Variants in GP6 observed in about 807,000 individuals in gnomAD.
The protein encoded by GP6 is platelet glycoprotein VI.
GP6 carries 45 observed loss-of-function variants against 37.3 expected under a neutral mutation model. The ratio of observed to expected loss-of-function variants is 1.21; its 90% confidence interval spans 0.95 to 1.55. The LOEUF (loss-of-function observed/expected upper bound fraction) is 1.55. Ranked by LOEUF, GP6 falls within the 40% of genes most tolerant of loss-of-function variation. GP6 has a pLI of 0.00. For missense variants in GP6, 813 were observed against 760.2 expected (o/e 1.07, Z -0.82); for synonymous variants, 340 against 316.4 (o/e 1.07, Z -0.79).
chr19:55,032,330 G>A lies in GP6; in HGVS notation c.134C>T (p.Thr45Ile), dbSNP rs780402836. ...GCCCGGAGGTCCCTGGCACCGGAGG[G>A]TCACTGGCTTCTCCAGGGGCACCAG... Residue 45 changes from threonine (T) to isoleucine (I), a missense_variant, in exon 3 of 8, where the codon ACC becomes ATC. Coordinates refer to ENST00000310373, the MANE Select transcript of GP6 (RefSeq NM_001083899.2). 1.2e-6 allele frequency: 2 copies of A among 1,614,082 alleles called. No homozygotes were observed. Among genetic ancestry groups the A allele is most frequent in the Admixed American group, 1.7e-5 (1 of 60,032 alleles).
At chr19:55,033,999 A>T (rs1364736372) in intron 1 of GP6, among the ~76,000 whole-genome samples, 1 of 152,122 alleles carries the variant, frequency 6.6e-6, no homozygotes, top group African/African-American at 2.4e-5. Flanking sequence ...GTTTGAGAAG[A>T]TGGGTGTGCT....
At position 55,038,064 on chromosome 19, in the gene GP6, C is replaced by T; in HGVS notation, c.34+139G>A. 5.3e-6 allele frequency: 4 copies of T among 748,240 alleles called. 1 individual carries two copies. The South Asian group carries it at 5.9e-5, about 11-fold the overall frequency. The allele number at this position is 748,240 out of a possible 1,614,324, so 46.4% of individuals were successfully genotyped here. ...GCCAGCTCGCTGGCCCCCCGTTTCC[C>T]CACCCAACAAATGAAGGGGCTCTTA... is the stretch of plus-strand genomic sequence containing the variant. On this transcript the variant is annotated intron_variant, in intron 1 of 7. Transcript: ENST00000310373.
At position 55,015,175 on chromosome 19, in the gene GP6, TGAG is replaced by T. The variant is rs1229702027; in HGVS notation, c.780-13_780-11del. On this transcript the variant is annotated splice_polypyrimidine_tract_variant and intron_variant, in intron 7 of 7. Transcript: ENST00000310373. ...TACTGGCGGGCAGGACCTGGAGGAA[TGAG>T]GAGAGGCAGGAGCAGGTGAAAGAGC... 4 of 1,553,540 alleles carry T rather than the reference TGAG, an allele frequency of 2.6e-6. No individual in the cohort carries two copies. The highest frequency in any genetic ancestry group is 3.9e-5 in the Admixed American group (2 of 51,126).
intron 3 of GP6, 67 bp from the exon 4 acceptor site, chr19:55,027,929 C>A (rs2074375614): frequency 6.7e-7 from 1 of 1,489,254 alleles, no homozygotes; most frequent in African/African-American, 1.4e-5. Context: ...TGGGGAGGTC[C>A]CCACACCTGC....
intron 3 of GP6, among the ~76,000 whole-genome samples, chr19:55,029,528 C>T (rs1181311790): frequency 2.7e-5 from 4 of 149,690 alleles, no homozygotes; most frequent in East Asian, 2.0e-4. Flanking sequence ...GTAGCTGGGA[C>T]TACAGGCATG....
At chr19:55,020,377 A>G (rs929436463) in intron 5 of GP6, among the ~76,000 whole-genome samples, 3 of 150,840 alleles carry the variant, frequency 2.0e-5, no homozygotes, top group South Asian at 2.1e-4. Context: ...CCCTCCCCCA[A>G]TTCCCCCTAC....
At chr19:55,021,050 TAAA>T (rs60477411) in intron 5 of GP6, among the ~76,000 whole-genome samples, 43,766 of 107,584 alleles carry the variant, frequency 0.41, 8,555 homozygotes, top group East Asian at 0.62. Context: ...AGACTCTGTT[TAAA>T]AAAAAAAAAA....
At chr19:55,033,998 G>A (rs1196916468) in intron 1 of GP6, among the ~76,000 whole-genome samples, 1 of 152,106 alleles carries the variant, frequency 6.6e-6, no homozygotes, top group African/African-American at 2.4e-5. Flanking sequence ...TGTTTGAGAA[G>A]ATGGGTGTGC....
intron 5 of GP6, among the ~76,000 whole-genome samples, chr19:55,021,972 C>T (rs990377125): frequency 7.9e-5 from 12 of 151,702 alleles, no homozygotes; most frequent in African/African-American, 2.9e-4. Flanking sequence ...AGTGACTGTT[C>T]ATGTCCTTTA....
At chr19:55,028,640 T>C (rs895044165) in intron 3 of GP6, among the ~76,000 whole-genome samples, 9 of 152,298 alleles carry the variant, frequency 5.9e-5, no homozygotes, top group Admixed American at 3.9e-4. Flanking sequence ...TTTTCAATTA[T>C]ACCTCAACAA....
intron 5 of GP6, among the ~76,000 whole-genome samples, chr19:55,019,913 T>C (rs1306338659): frequency 1.3e-5 from 2 of 151,786 alleles, no homozygotes; most frequent in Admixed American, 6.6e-5. Flanking sequence ...CTCCTGACCT[T>C]GTGATCCACC....
At position 55,027,463 on chromosome 19, in the gene GP6, G is replaced by C. The variant is rs1387025555; in HGVS notation, c.610+115C>G. The C allele has an allele frequency of 4.0e-6, 3 of 755,328 alleles. No individual in the cohort carries two copies. The African/African-American group carries it at 5.2e-5, about 13-fold the overall frequency. 46.8% of individuals were successfully genotyped at this position (755,328 alleles called of 1,614,324 possible). ...CCTTCCCACCTACGGCCCCGCCCCT[G>C]CAGCCCAGGGCTTCCTGCCCTCCCA... On this transcript the variant is annotated intron_variant, in intron 4 of 7. Coordinates refer to ENST00000310373, the MANE Select transcript of GP6 (RefSeq NM_001083899.2).
chr19:55,015,389 A>G (rs1379132302), intron 7 of GP6, among the ~76,000 whole-genome samples: 1 of 152,190 alleles, frequency 6.6e-6, no homozygotes, highest in Non-Finnish European at 1.5e-5. Context: ...GCTCTGAGAC[A>G]ACTCCTCCCC....
At chr19:55,033,353 GCTCGTTCGTGTTGTGTTAGACACGGTGGA>G (rs1385580233) in intron 1 of GP6, among the ~76,000 whole-genome samples, 1,236 of 60,472 alleles carry the variant, frequency 0.02, 7 homozygotes, top group African/African-American at 0.026. Context: ...GACACGGTGG[GCTCGTTCGTGTTGTGTTAGACACGGTGGA>G]CTCGTTCGTG....
At chr19:55,030,686 T>C (rs117835672) in intron 3 of GP6, among the ~76,000 whole-genome samples, 19,354 of 151,484 alleles carry the variant, frequency 0.13, 1,506 homozygotes, top group Middle Eastern at 0.29. Context: ...GAAAAGAAAT[T>C]AGAATATTTG....
At chr19:55,018,504 C>T (rs1056423536) in intron 6 of GP6, 148 bp downstream of exon 6, 1 of 753,310 alleles carries the variant, frequency 1.3e-6, no homozygotes, top group Non-Finnish European at 2.5e-6. Context: ...CCACTCTGCA[C>T]CCATGCTCTA....
Position 55,038,264 on chromosome 19 carries a change from T to C in GP6, c.-28A>G. ...TTCCTCAGCCCTGTCCTGAGCTCTG[T>C]GGCCAGGGAGGGAAGTGGTGGGAGC... is the stretch of plus-strand genomic sequence containing the variant. On this transcript the variant is annotated 5_prime_UTR_variant, in exon 1 of 8. Transcript: ENST00000310373. 6.4e-7 allele frequency: 1 copy of C among 1,571,324 alleles called. No individual in the cohort carries two copies. The highest frequency in any genetic ancestry group is 8.7e-7 in the Non-Finnish European group (1 of 1,154,542).
In GP6 at chr19:55,032,801, G is replaced by A. The variant is rs114273712; in HGVS notation, c.35-263C>T. 8.4e-4 allele frequency: 511 copies of A among 608,132 alleles called. 3 individuals carry two copies. The African/African-American group carries it at 8.7e-3, about 10-fold the overall frequency. The allele number at this position is 608,132 out of a possible 1,614,324, so 37.7% of individuals were successfully genotyped here. A position where few individuals can be genotyped will look rare whatever the true frequency, so the allele number is the denominator to read the frequency against. ...AAGCAGATCCATGGCTGGGGGTGGT[G>A]GGAGAGGAGGGCAAGGCATGGTGGC... is the stretch of plus-strand genomic sequence containing the variant. On this transcript the variant is annotated intron_variant, in intron 1 of 7. Transcript: ENST00000310373.
At chr19:55,022,706 A>AAT (rs1421299761) in intron 5 of GP6, among the ~76,000 whole-genome samples, 43 of 152,338 alleles carry the variant, frequency 2.8e-4, no homozygotes, top group Non-Finnish European at 4.7e-4. Context: ...GCATTCCTAT[A>AAT]CACCAACAAT....
Sources: allele counts gnomAD v4.1 joint callset (sites outside exome capture counted in the v4.1 genomes callset), GRCh38; gene constraint gnomAD v4.1.1; transcripts MANE v1.5; gene names NCBI Gene and HGNC (gene_info 2026-07-23, HGNC 2026-07-21).